GRM5: variants seen among roughly 807,000 people sequenced by gnomAD.
GRM5 encodes the protein glutamate metabotropic receptor 5, also known as metabotropic glutamate receptor 5.
GRM5 carries 19 observed loss-of-function variants against 83.1 expected under a neutral mutation model. That is an observed-to-expected ratio of 0.23 (90% CI 0.16 to 0.34). The LOEUF is 0.34. Ranked by LOEUF, GRM5 falls within the 10% of genes least tolerant of loss-of-function variation. GRM5 has a pLI of 1.00. For missense variants in GRM5, 1,160 were observed against 1,588.3 expected, an observed-to-expected ratio of 0.73 and a Z score of 4.58; for synonymous variants, 675 against 633.6, an observed-to-expected ratio of 1.07 and a Z score of -0.98.
chr11:88,507,754 G>C lies in GRM5; in HGVS notation c.*838C>G, dbSNP rs1941216989. ...GAATTTCCAGCTACAATGCACCCCA[G>C]TGAGGGAATTACAAAACAGTATTCC... On this transcript the variant is annotated 3_prime_UTR_variant, in exon 10 of 10. Transcript: ENST00000305447. 1 of 152,646 alleles carries C rather than the reference G, an allele frequency of 6.6e-6. No individual in the cohort carries two copies. Among genetic ancestry groups the C allele is most frequent in the African/African-American group, 2.4e-5 (1 of 41,468 alleles). 9.5% of individuals were successfully genotyped at this position (152,646 alleles called of 1,614,324 possible). A position where few individuals can be genotyped will look rare whatever the true frequency, so the allele number is the denominator to read the frequency against.
At chr11:88,962,582 C>A (rs1938818944) in intron 2 of GRM5, among the ~76,000 whole-genome samples, 1 of 152,062 alleles carries the variant, frequency 6.6e-6, no homozygotes, top group Non-Finnish European at 1.5e-5. Context: ...TCCATTAATT[C>A]TATCACCTAT....
intron 2 of GRM5, among the ~76,000 whole-genome samples, chr11:88,974,705 C>A (rs1398923509): frequency 2.6e-5 from 4 of 151,966 alleles, no homozygotes; most frequent in Admixed American, 6.6e-5. Context: ...CTTTTGTGTG[C>A]CCAATTTTAT....
rs543901022 is a variant in GRM5, at chr11:88,934,110, A to G, written c.662-83955T>C. 3.9e-5 allele frequency among the ~76,000 whole-genome samples: 6 copies of G among 151,920 alleles called. No homozygotes were observed. In the Middle Eastern group the frequency reaches 0.01, roughly 258 times the overall value. The stretch of plus-strand genomic sequence containing the variant: ...AAATCTTCATTTCACACTGCCACAC[A>G]ACTCACTTCTCTAATTTTTACTATT... On this transcript the variant is annotated intron_variant, in intron 2 of 9. Coordinates refer to ENST00000305447, the MANE Select transcript of GRM5 (RefSeq NM_001143831.3).
intron 2 of GRM5, among the ~76,000 whole-genome samples, chr11:88,954,306 T>G (rs141144248): frequency 6.6e-6 from 1 of 152,096 alleles, no homozygotes; most frequent in Non-Finnish European, 1.5e-5. Context: ...ATTGACCTCA[T>G]GAGCCCTCCA....
chr11:88,980,038 T>C (rs936986069), intron 2 of GRM5, among the ~76,000 whole-genome samples: 1 of 152,156 alleles, frequency 6.6e-6, no homozygotes, highest in Non-Finnish European at 1.5e-5. Context: ...TAAAGAAATG[T>C]GGGAGATTCT....
intron 2 of GRM5, among the ~76,000 whole-genome samples, chr11:88,972,864 C>T (rs1939209838): frequency 6.6e-6 from 1 of 152,076 alleles, no homozygotes; most frequent in South Asian, 2.1e-4. Context: ...AGCATGTATA[C>T]CTTCTGATAT....
chr11:88,653,499 G>C (rs1591414449), intron 3 of GRM5, 96 bp from the exon 4 acceptor site: 2 of 729,406 alleles, frequency 2.7e-6, no homozygotes, highest in African/African-American at 3.5e-5. Flanking sequence ...TCATTAAATG[G>C]CTACCTCAGG....
rs117232276 is a variant in GRM5, at chr11:88,732,903, G to T, written c.912-79500C>A. 8.0e-4 allele frequency among the ~76,000 whole-genome samples: 122 copies of T among 152,036 alleles called. No homozygotes were observed. The Middle Eastern group carries it at 0.014, about 17-fold the overall frequency. ...CCAGGACTGAGTGGCAGGGATAGAT[G>T]CCTTAAATTAAGACTCTTGCCAAAG... is the stretch of plus-strand genomic sequence containing the variant. On this transcript the variant is annotated intron_variant, in intron 3 of 9. Coordinates refer to ENST00000305447, the MANE Select transcript of GRM5 (RefSeq NM_001143831.3).
In GRM5 at chr11:89,053,702, G is replaced by A. The variant is rs186941377; in HGVS notation, c.-200-5630C>T. Among the ~76,000 whole-genome samples the A allele has an allele frequency of 3.3e-5, 5 of 150,210 alleles. No individual in the cohort carries two copies. In the East Asian group the frequency reaches 9.7e-4, roughly 29 times the overall value. On this transcript the variant is annotated intron_variant, in intron 1 of 9. Transcript: ENST00000305447. ...AAAAGCAAAAAAAAAAAAACAAAATGCAGTGAAGCAGTATAGAAAGTGCCA... is the reference window on the plus strand; with the variant it reads ...AAAAGCAAAAAAAAAAAAACAAAATACAGTGAAGCAGTATAGAAAGTGCCA...
chr11:88,704,545 T>C (rs1215380490), intron 3 of GRM5, among the ~76,000 whole-genome samples: 2 of 152,078 alleles, frequency 1.3e-5, no homozygotes, highest in South Asian at 2.1e-4. Context: ...ATTTTGAACA[T>C]TATTTTCTCA....
intron 3 of GRM5, among the ~76,000 whole-genome samples, chr11:88,698,174 G>T (rs1940944656): frequency 6.6e-6 from 1 of 152,136 alleles, no homozygotes; most frequent in African/African-American, 2.4e-5. Context: ...ATAAAAAGTG[G>T]TTTCCCATTT....
intron 3 of GRM5, among the ~76,000 whole-genome samples, chr11:88,732,039 G>A (rs1227716275): frequency 6.6e-6 from 1 of 151,920 alleles, no homozygotes; most frequent in Non-Finnish European, 1.5e-5. Flanking sequence ...ACTAATTGAG[G>A]TAATAATTAT....
intron 2 of GRM5, among the ~76,000 whole-genome samples, chr11:88,869,872 G>A (rs570592387): frequency 6.6e-6 from 1 of 151,570 alleles, no homozygotes; most frequent in African/African-American, 2.4e-5. Flanking sequence ...AAAATCCCTG[G>A]TTATATTTTT....
intron 2 of GRM5, among the ~76,000 whole-genome samples, chr11:89,029,364 T>G (rs1040882988): frequency 9.2e-5 from 14 of 152,200 alleles, no homozygotes; most frequent in African/African-American, 3.4e-4. Flanking sequence ...GCTGTGATAA[T>G]TAGTGACATA....
chr11:88,823,612 C>T (rs899725668), intron 3 of GRM5, among the ~76,000 whole-genome samples: 1 of 151,988 alleles, frequency 6.6e-6, no homozygotes, highest in African/African-American at 2.4e-5. Context: ...GACTAGGATG[C>T]TCTCTGGCTG....
At chr11:88,704,605 T>C (rs1027208123) in intron 3 of GRM5, among the ~76,000 whole-genome samples, 1 of 152,108 alleles carries the variant, frequency 6.6e-6, no homozygotes, top group Non-Finnish European at 1.5e-5. Flanking sequence ...AAAAAGCAGA[T>C]GAGTAACTGC....
intron 2 of GRM5, among the ~76,000 whole-genome samples, chr11:89,001,397 C>A (rs1940373434): frequency 6.6e-6 from 1 of 152,014 alleles, no homozygotes; most frequent in Non-Finnish European, 1.5e-5. Context: ...ATTGATACAG[C>A]CAACAACCTA....
intron 3 of GRM5, among the ~76,000 whole-genome samples, chr11:88,799,871 A>T (rs937282443): frequency 6.6e-6 from 1 of 152,156 alleles, no homozygotes; most frequent in African/African-American, 2.4e-5. Flanking sequence ...GCAGTAAAGC[A>T]CATATCAATA....
At chr11:88,634,944 T>C (rs1008055610) in intron 4 of GRM5, among the ~76,000 whole-genome samples, 5 of 152,318 alleles carry the variant, frequency 3.3e-5, no homozygotes, top group South Asian at 4.1e-4. Flanking sequence ...TTGTTGTATA[T>C]GTGGACCATC....
Sources: gnomAD v4.1 joint callset for allele counts (sites outside exome capture counted in the v4.1 genomes callset) on GRCh38, gnomAD v4.1.1 for gene constraint, MANE v1.5 for transcripts, NCBI Gene and HGNC (gene_info 2026-07-23, HGNC 2026-07-21) for gene names.